GALNTL6: variants seen among roughly 807,000 people sequenced by gnomAD.
The protein encoded by GALNTL6 is polypeptide N-acetylgalactosaminyltransferase like 6, also known as polypeptide N-acetylgalactosaminyltransferase-like 6.
GALNTL6 carries 46 observed loss-of-function variants against 73.7 expected under a neutral mutation model. The ratio of observed to expected loss-of-function variants is 0.62; its 90% CI spans 0.49 to 0.80. The LOEUF (loss-of-function observed/expected upper bound fraction) is 0.80. Among genes scored for constraint, GALNTL6 ranks in the 30% least tolerant of loss-of-function variants. GALNTL6 has a pLI of 0.00. For missense variants in GALNTL6, 604 were observed against 755.0 expected (o/e 0.80, Z 2.34); for synonymous variants, 259 against 263.7 (o/e 0.98, Z 0.17).
intron 11 of GALNTL6, among the ~76,000 whole-genome samples, chr4:173,013,518 C>A (rs1394986137): frequency 1.3e-5 from 2 of 151,974 alleles, no homozygotes; most frequent in African/African-American, 2.4e-5. Flanking sequence ...ATATTGCATA[C>A]ACTTTAAAAA....
chr4:172,082,762 C>A (rs900014561), intron 2 of GALNTL6, among the ~76,000 whole-genome samples: 2 of 152,028 alleles, frequency 1.3e-5, no homozygotes, highest in Non-Finnish European at 2.9e-5. Flanking sequence ...TCAGCAGAGT[C>A]GTGAAGCTCA....
intron 8 of GALNTL6, among the ~76,000 whole-genome samples, chr4:172,902,353 A>G (rs193019830): frequency 2.8e-4 from 42 of 152,286 alleles, no homozygotes; most frequent in Non-Finnish European, 4.6e-4. Flanking sequence ...ATTAACGACA[A>G]TGAACACTAA....
At chr4:171,908,494 A>G (rs1259686270) in intron 2 of GALNTL6, among the ~76,000 whole-genome samples, 1 of 152,126 alleles carries the variant, frequency 6.6e-6, no homozygotes, top group Non-Finnish European at 1.5e-5. Flanking sequence ...AAGGCAGGAA[A>G]CAAGTGCTGG....
intron 4 of GALNTL6, among the ~76,000 whole-genome samples, chr4:172,319,485 C>T (rs1482475727): frequency 2.0e-5 from 3 of 152,058 alleles, no homozygotes; most frequent in Non-Finnish European, 2.9e-5. Flanking sequence ...TTTAAATGTG[C>T]ACCTAAAAAC....
intron 2 of GALNTL6, among the ~76,000 whole-genome samples, chr4:172,074,648 C>A (rs2110908999): frequency 6.6e-6 from 1 of 152,188 alleles, no homozygotes; most frequent in East Asian, 1.9e-4. Flanking sequence ...GTGCAATCAT[C>A]TGGGGGTAGT....
chr4:172,615,384 C>G (rs1738683662), intron 5 of GALNTL6, among the ~76,000 whole-genome samples: 1 of 152,100 alleles, frequency 6.6e-6, no homozygotes, highest in Non-Finnish European at 1.5e-5. Context: ...GCTCTCCTCT[C>G]AATGATTCCA....
intron 5 of GALNTL6, among the ~76,000 whole-genome samples, chr4:172,485,288 C>T (rs1733627460): frequency 6.6e-6 from 1 of 151,854 alleles, no homozygotes; most frequent in African/African-American, 2.4e-5. Flanking sequence ...AATTGCAGAT[C>T]CTGAAAGAGA....
chr4:172,210,249 T>C (rs1430255937), intron 2 of GALNTL6, among the ~76,000 whole-genome samples: 1 of 152,088 alleles, frequency 6.6e-6, no homozygotes, highest in Non-Finnish European at 1.5e-5. Flanking sequence ...ATTATTAATA[T>C]CTTACATTAG....
At chr4:171,884,982 A>T (rs1467666178) in intron 2 of GALNTL6, among the ~76,000 whole-genome samples, 2 of 151,690 alleles carry the variant, frequency 1.3e-5, no homozygotes, top group Non-Finnish European at 2.9e-5. Flanking sequence ...GCTTGAACCC[A>T]GGAGGCGGAG....
chr4:172,571,384 T>A (rs1454486731), intron 5 of GALNTL6, among the ~76,000 whole-genome samples: 1 of 152,166 alleles, frequency 6.6e-6, no homozygotes, highest in African/African-American at 2.4e-5. Flanking sequence ...AAGACAGCAA[T>A]ATATACCCAA....
At chr4:171,904,558 G>A (rs1414203746) in intron 2 of GALNTL6, among the ~76,000 whole-genome samples, 6 of 152,146 alleles carry the variant, frequency 3.9e-5, no homozygotes, top group Non-Finnish European at 7.3e-5. Flanking sequence ...GAACCAAGTT[G>A]GAAAACACTC....
At chr4:172,481,574 G>A (rs1733476229) in intron 5 of GALNTL6, among the ~76,000 whole-genome samples, 3 of 151,980 alleles carry the variant, frequency 2.0e-5, no homozygotes, top group Admixed American at 2.0e-4. Context: ...GGTCCATTTT[G>A]ACAGGGTGCT....
At position 172,954,692 on chromosome 4, in the gene GALNTL6, T is replaced by C. The variant is rs1239295070; in HGVS notation, c.1371+2434T>C. 2.0e-5 allele frequency among the ~76,000 whole-genome samples: 3 copies of C among 152,160 alleles called. No individual in the cohort carries two copies. The East Asian group carries it at 5.8e-4, about 29-fold the overall frequency. On this transcript the variant is annotated intron_variant, in intron 10 of 12. Coordinates refer to ENST00000506823, the MANE Select transcript of GALNTL6 (RefSeq NM_001034845.3). ...TATGTTGCCCATGCTGATCTTGAACTCCTGGCCTCAATTATTCATCTCACC... is the reference window on the plus strand; with the variant it reads ...TATGTTGCCCATGCTGATCTTGAACCCCTGGCCTCAATTATTCATCTCACC...
At position 172,535,604 on chromosome 4, in the gene GALNTL6, C is replaced by A. The variant is rs115990523; in HGVS notation, c.553+186915C>A. The stretch of plus-strand genomic sequence containing the variant: ...ATCATTACATTAAACCACAGTTCCC[C>A]GAAGTAACTATTTTAGAGAAGATAA... On this transcript the variant is annotated intron_variant, in intron 5 of 12. Coordinates refer to ENST00000506823, the MANE Select transcript of GALNTL6 (RefSeq NM_001034845.3). 1.5e-3 allele frequency among the ~76,000 whole-genome samples: 234 copies of A among 152,206 alleles called. 1 individual carries two copies. The highest frequency in any genetic ancestry group is 5.0e-3 in the African/African-American group (208 of 41,548).
chr4:172,736,587 G>A (rs1301586121), intron 5 of GALNTL6, among the ~76,000 whole-genome samples: 3 of 152,184 alleles, frequency 2.0e-5, no homozygotes, highest in Non-Finnish European at 2.9e-5. Flanking sequence ...TTATGAAGAT[G>A]ACGGGATTAA....
intron 2 of GALNTL6, among the ~76,000 whole-genome samples, chr4:172,179,229 A>T (rs1001732363): frequency 4.3e-4 from 65 of 151,478 alleles, no homozygotes; most frequent in Admixed American, 2.6e-4. Context: ...AGGAATCGCC[A>T]CACTGACTTC....
intron 2 of GALNTL6, among the ~76,000 whole-genome samples, chr4:172,095,529 G>T (rs932705810): frequency 6.6e-6 from 1 of 152,188 alleles, no homozygotes; most frequent in Non-Finnish European, 1.5e-5. Flanking sequence ...ATTTGCGTGT[G>T]TGTTTGTGTG....
At chr4:173,024,910 C>G (rs1229546888) in intron 12 of GALNTL6, among the ~76,000 whole-genome samples, 7 of 152,124 alleles carry the variant, frequency 4.6e-5, no homozygotes, top group African/African-American at 9.7e-5. Flanking sequence ...GTGCCATGCT[C>G]TTAAGGAATA....
At chr4:172,490,245 A>G (rs1465427705) in intron 5 of GALNTL6, among the ~76,000 whole-genome samples, 1 of 152,190 alleles carries the variant, frequency 6.6e-6, no homozygotes, top group Non-Finnish European at 1.5e-5. Flanking sequence ...TTTTGTGTTT[A>G]CATATGTAGT....
Sources: gnomAD v4.1 joint callset for allele counts (sites outside exome capture counted in the v4.1 genomes callset) on GRCh38, gnomAD v4.1.1 for gene constraint, MANE v1.5 for transcripts, NCBI Gene and HGNC (gene_info 2026-07-23, HGNC 2026-07-21) for gene names.